EBF1: variants seen among roughly 807,000 people sequenced by gnomAD.
EBF1 encodes the protein EBF transcription factor 1.
A neutral mutation model predicts 68.4 loss-of-function variants in EBF1; 10 were observed. The observed-to-expected ratio is 0.15, with a 90% CI of 0.09 to 0.25. The LOEUF is 0.25. EBF1 is among the 10% of genes least tolerant of loss of function. The probability of loss-of-function intolerance (pLI) is 1.00; values close to 1 mark genes in which losing one functional copy is unlikely to be tolerated. For synonymous variants in EBF1, 298 were observed against 299.8 expected (o/e 0.99, Z 0.06); for missense variants, 509 against 794.4 (o/e 0.64, Z 4.32).
intron 8 of EBF1, among the ~76,000 whole-genome samples, chr5:158,802,359 G>A (rs1414315464): frequency 6.6e-6 from 1 of 152,104 alleles, no homozygotes; most frequent in Non-Finnish European, 1.5e-5. Context: ...AACACTCTGT[G>A]AGTTGATAAA....
In EBF1 at chr5:158,779,325, A is replaced by G. The variant is rs544460720; in HGVS notation, c.910-1786T>C. On this transcript the variant is annotated intron_variant, in intron 9 of 15. Coordinates refer to ENST00000313708, the MANE Select transcript of EBF1 (RefSeq NM_024007.5). ...TCATAGCAAGTCAGAGCAAAAGGCA[A>G]CACTGATGCAGTTCAAAAAAGTCAC... Among the ~76,000 whole-genome samples, 7 of 152,302 alleles carry G rather than the reference A, an allele frequency of 4.6e-5. No individual in the cohort carries two copies. In the South Asian group the frequency reaches 1.0e-3, roughly 23 times the overall value.
intron 1 of EBF1, chr5:159,097,360 G>T: frequency 1.8e-6 from 1 of 553,340 alleles, no homozygotes; most frequent in South Asian, 2.6e-5. Flanking sequence ...CTCAGAACTC[G>T]CTGAAGAGGT....
chr5:158,697,944 C>T lies in EBF1; in HGVS notation c.*1167G>A. The T allele has an allele frequency of 4.8e-6, 1 of 210,122 alleles. No homozygotes were observed. Among genetic ancestry groups the T allele is most frequent in the South Asian group, 1.9e-4 (1 of 5,302 alleles). The allele number at this position is 210,122 out of a possible 1,614,324, so 13.0% of individuals were successfully genotyped here. The stretch of plus-strand genomic sequence containing the variant: ...AAAACTATGTTTTGGAGGTCTCAAC[C>T]TTCTTTTCCTTTCTCCACCCCCGGT... On this transcript the variant is annotated 3_prime_UTR_variant, in exon 16 of 16. Coordinates refer to ENST00000313708, the MANE Select transcript of EBF1 (RefSeq NM_024007.5).
At chr5:158,712,410 G>A (rs1393207385) in intron 13 of EBF1, 77 bp from the exon 14 acceptor site, 2 of 1,538,274 alleles carry the variant, frequency 1.3e-6, no homozygotes, top group Non-Finnish European at 1.8e-6. Flanking sequence ...GGGAAAGGAA[G>A]GTCTCTGTTT....
chr5:158,864,925 T>A (rs760135352), intron 6 of EBF1, among the ~76,000 whole-genome samples: 1 of 152,142 alleles, frequency 6.6e-6, no homozygotes, highest in African/African-American at 2.4e-5. Context: ...TGGGAGATGG[T>A]CCTTCCCATA....
At chr5:158,730,283 C>T (rs561581156) in intron 11 of EBF1, among the ~76,000 whole-genome samples, 1 of 152,320 alleles carries the variant, frequency 6.6e-6, no homozygotes, top group Non-Finnish European at 1.5e-5. Context: ...ACGTTGGTTG[C>T]ACTTTTCTTT....
intron 6 of EBF1, among the ~76,000 whole-genome samples, chr5:159,048,229 C>T (rs920170688): frequency 3.1e-4 from 47 of 152,300 alleles, no homozygotes; most frequent in East Asian, 2.3e-3. Context: ...CACCCAAGTA[C>T]GCAGTAGGTA....
chr5:158,713,168 C>A (rs1759832381), intron 12 of EBF1, 21 bp from the exon 13 acceptor site: 1 of 1,430,970 alleles, frequency 7.0e-7, no homozygotes, highest in Non-Finnish European at 9.3e-7. Flanking sequence ...AAAGGAATAT[C>A]CCCTTCAGCT....
intron 6 of EBF1, among the ~76,000 whole-genome samples, chr5:159,004,263 C>T (rs955426730): frequency 3.7e-4 from 51 of 136,644 alleles, no homozygotes; most frequent in African/African-American, 1.2e-3. Flanking sequence ...GTGACAAGAG[C>T]GAGACTCCAT....
intron 6 of EBF1, among the ~76,000 whole-genome samples, chr5:159,050,152 TTCTCTCTCTC>T (rs148912326): frequency 4.1e-4 from 55 of 135,646 alleles, no homozygotes; most frequent in African/African-American, 4.8e-4. Flanking sequence ...TCGTTTCTCT[TTCTCTCTCTC>T]TCTCTCTCTC....
intron 13 of EBF1, among the ~76,000 whole-genome samples, chr5:158,712,573 G>A (rs1390426210): frequency 6.6e-6 from 1 of 152,158 alleles, no homozygotes; most frequent in Non-Finnish European, 1.5e-5. Context: ...AAATGGCAAT[G>A]CTGGGCCTAT....
At chr5:158,836,061 C>T (rs1227536743) in intron 7 of EBF1, among the ~76,000 whole-genome samples, 1 of 152,124 alleles carries the variant, frequency 6.6e-6, no homozygotes, top group African/African-American at 2.4e-5. Context: ...GCATTTAATG[C>T]AGTTAGGAAT....
intron 6 of EBF1, among the ~76,000 whole-genome samples, chr5:158,968,852 G>C (rs188294878): frequency 6.6e-4 from 100 of 152,234 alleles, no homozygotes; most frequent in Non-Finnish European, 1.2e-3. Context: ...CAAAAATCTT[G>C]TTCCTTGTAT....
In EBF1 at chr5:158,933,273, G is replaced by T. The variant is rs182087357; in HGVS notation, c.555-93163C>A. Among the ~76,000 whole-genome samples, 11 of 152,166 alleles carry T rather than the reference G, an allele frequency of 7.2e-5. No homozygotes were observed. The East Asian group carries it at 2.1e-3, about 29-fold the overall frequency. On this transcript the variant is annotated intron_variant, in intron 6 of 15. Transcript: ENST00000313708. ...CTTTTTGCTAAAGGAAGCGGGGATA[G>T]TTCAGCTGCAGGTAGAAAACTTACC...
At chr5:158,726,192 T>A (rs1320532981) in intron 11 of EBF1, among the ~76,000 whole-genome samples, 1 of 152,242 alleles carries the variant, frequency 6.6e-6, no homozygotes, top group Non-Finnish European at 1.5e-5. Flanking sequence ...GAGCCATGTC[T>A]ACGTGTTATC....
chr5:158,975,325 G>A (rs187134679), intron 6 of EBF1, among the ~76,000 whole-genome samples: 21 of 152,220 alleles, frequency 1.4e-4, no homozygotes, highest in East Asian at 1.2e-3. Flanking sequence ...AGTACATACC[G>A]TATGCTGTGT....
At chr5:158,705,273 G>A (rs112021775) in intron 15 of EBF1, among the ~76,000 whole-genome samples, 38 of 152,172 alleles carry the variant, frequency 2.5e-4, no homozygotes, top group Non-Finnish European at 3.7e-4. Context: ...GAACCACCAC[G>A]CCCAGTCCAT....
At chr5:158,943,027 G>A (rs2127477225) in intron 6 of EBF1, among the ~76,000 whole-genome samples, 1 of 125,136 alleles carries the variant, frequency 8.0e-6, no homozygotes, top group South Asian at 3.3e-4. Context: ...GGGAGGGAGG[G>A]GGGAAGGAAT....
chr5:158,843,602 A>G (rs1398428130), intron 6 of EBF1, among the ~76,000 whole-genome samples: 1 of 152,186 alleles, frequency 6.6e-6, no homozygotes, highest in African/African-American at 2.4e-5. Context: ...AGACACGGCC[A>G]TCAACTGGTG....
Sources: allele counts gnomAD v4.1 joint callset (sites outside exome capture counted in the v4.1 genomes callset), GRCh38; gene constraint gnomAD v4.1.1; transcripts MANE v1.5; gene names NCBI Gene and HGNC (gene_info 2026-07-23, HGNC 2026-07-21).